SEMA5A: variants seen among roughly 807,000 people sequenced by gnomAD.
SEMA5A encodes the protein semaphorin 5A.
A neutral mutation model predicts 135.5 loss-of-function variants in SEMA5A; 55 were observed. The observed-to-expected ratio is 0.41, with a 90% CI of 0.33 to 0.51. The LOEUF is 0.51. Ranked by LOEUF, SEMA5A falls within the 20% of genes least tolerant of loss-of-function variation. SEMA5A has a pLI of 0.37. For missense variants in SEMA5A, 1,290 were observed against 1,419.9 expected (o/e 0.91, Z 1.47); for synonymous variants, 580 against 546.5 (o/e 1.06, Z -0.85).
chr5:9,506,441 T>G (rs1735883563), intron 1 of SEMA5A, among the ~76,000 whole-genome samples: 1 of 152,198 alleles, frequency 6.6e-6, no homozygotes, highest in South Asian at 2.1e-4. Flanking sequence ...CAAGTAACTA[T>G]CCAGACAGTC....
intron 1 of SEMA5A, among the ~76,000 whole-genome samples, chr5:9,443,893 G>A (rs1758330830): frequency 2.0e-5 from 3 of 152,222 alleles, no homozygotes; most frequent in African/African-American, 7.2e-5. Context: ...AGCTTGAGGT[G>A]ATGAAGAAAT....
At chr5:9,505,608 G>C (rs1735835520) in intron 1 of SEMA5A, among the ~76,000 whole-genome samples, 1 of 152,168 alleles carries the variant, frequency 6.6e-6, no homozygotes, top group African/African-American at 2.4e-5. Flanking sequence ...CTCTCTTCCA[G>C]AAAGGAGAGC....
At chr5:9,358,025 T>C (rs1754528389) in intron 3 of SEMA5A, among the ~76,000 whole-genome samples, 1 of 152,220 alleles carries the variant, frequency 6.6e-6, no homozygotes, top group South Asian at 2.1e-4. Context: ...CAGTGGATCA[T>C]CTGGAGTATC....
At chr5:9,231,576 C>G (rs181520900) in intron 6 of SEMA5A, among the ~76,000 whole-genome samples, 75 of 151,942 alleles carry the variant, frequency 4.9e-4, no homozygotes, top group Admixed American at 1.0e-3. Context: ...TCTTGCAGAT[C>G]CACTGGCAAC....
intron 4 of SEMA5A, among the ~76,000 whole-genome samples, chr5:9,327,297 T>C (rs1752922710): frequency 6.6e-6 from 1 of 152,170 alleles, no homozygotes; most frequent in African/African-American, 2.4e-5. Context: ...AAATAGTAAA[T>C]ATGTATTCTT....
intron 1 of SEMA5A, among the ~76,000 whole-genome samples, chr5:9,462,568 A>C (rs1759097021): frequency 1.3e-5 from 2 of 152,240 alleles, no homozygotes; most frequent in African/African-American, 4.8e-5. Flanking sequence ...AAGACATGGA[A>C]TCAACCTAAA....
In SEMA5A at chr5:9,379,820, T is replaced by C; in HGVS notation, c.124+3A>G. 1.2e-6 allele frequency: 2 copies of C among 1,613,548 alleles called. No individual in the cohort carries two copies. The highest frequency in any genetic ancestry group is 8.5e-7 in the Non-Finnish European group (1 of 1,179,824). ...TTGCAATCAGTGCGTGCTGGTTCCT[T>C]ACCTTTATAGGAGATGACTGGATGC... On this transcript the variant is annotated splice_donor_region_variant and intron_variant, in intron 3 of 22. Coordinates refer to ENST00000382496, the MANE Select transcript of SEMA5A (RefSeq NM_003966.3).
intron 1 of SEMA5A, among the ~76,000 whole-genome samples, chr5:9,443,407 T>C (rs1758312139): frequency 6.6e-6 from 1 of 152,090 alleles, no homozygotes; most frequent in Non-Finnish European, 1.5e-5. Context: ...TAGAAGCAGC[T>C]ACAGGGATAA....
chr5:9,532,849 C>T (rs1189165986), intron 1 of SEMA5A, among the ~76,000 whole-genome samples: 1 of 152,154 alleles, frequency 6.6e-6, no homozygotes, highest in Non-Finnish European at 1.5e-5. Flanking sequence ...AAAATCTCAG[C>T]TGTTCTCCTT....
At chr5:9,502,014 T>G (rs1402202054) in intron 1 of SEMA5A, among the ~76,000 whole-genome samples, 1 of 152,228 alleles carries the variant, frequency 6.6e-6, no homozygotes, top group South Asian at 2.1e-4. Flanking sequence ...GCCTAGAGAC[T>G]ATATTCAAAC....
chr5:9,125,232 T>A (rs1007404879), intron 13 of SEMA5A, among the ~76,000 whole-genome samples: 2 of 152,212 alleles, frequency 1.3e-5, no homozygotes, highest in African/African-American at 4.8e-5. Context: ...GTAAGGTGGA[T>A]GGGATTGGGA....
intron 3 of SEMA5A, among the ~76,000 whole-genome samples, chr5:9,353,127 G>GAAAGGAAAGGAAAGGAAAGGAAAGA: frequency 1.4e-5 from 1 of 72,500 alleles, no homozygotes; most frequent in Non-Finnish European, 2.7e-5. Flanking sequence ...GAAAGGAAAG[G>GAAAGGAAAGGAAAGGAAAGGAAAGA]AAAGGAAAGG....
intron 4 of SEMA5A, among the ~76,000 whole-genome samples, chr5:9,330,018 G>A (rs908454698): frequency 1.3e-5 from 2 of 152,044 alleles, no homozygotes; most frequent in African/African-American, 4.8e-5. Flanking sequence ...TTTTAGGCTT[G>A]TGGTTAAATC....
intron 17 of SEMA5A, 149 bp from the exon 18 acceptor site, chr5:9,063,254 A>C (rs1737283024): frequency 1.4e-6 from 1 of 728,384 alleles, no homozygotes; most frequent in Non-Finnish European, 2.3e-6. Context: ...TTCAGTAGCC[A>C]AAAATCAGTG....
intron 11 of SEMA5A, among the ~76,000 whole-genome samples, chr5:9,183,231 T>C (rs1429294968): frequency 1.3e-5 from 2 of 152,188 alleles, no homozygotes; most frequent in Non-Finnish European, 2.9e-5. Flanking sequence ...AAGAGACATC[T>C]GCTTGGCTAC....
intron 2 of SEMA5A, among the ~76,000 whole-genome samples, chr5:9,388,363 T>A (rs1433607181): frequency 1.3e-5 from 2 of 151,998 alleles, no homozygotes; most frequent in African/African-American, 2.4e-5. Flanking sequence ...AAATTATTAT[T>A]TACACAAAGG....
At chr5:9,403,539 CTTGTGGG>C (rs1210656426) in intron 2 of SEMA5A, among the ~76,000 whole-genome samples, 1 of 152,140 alleles carries the variant, frequency 6.6e-6, no homozygotes, top group Non-Finnish European at 1.5e-5. Context: ...TTGTACTTTC[CTTGTGGG>C]TTGCTATAAG....
chr5:9,110,647 T>C (rs1034377543), intron 15 of SEMA5A, among the ~76,000 whole-genome samples: 1 of 152,126 alleles, frequency 6.6e-6, no homozygotes, highest in Non-Finnish European at 1.5e-5. Flanking sequence ...CAGGGAGAGA[T>C]AGTTGATGTG....
chr5:9,429,298 G>T (rs1757776085), intron 2 of SEMA5A, among the ~76,000 whole-genome samples: 1 of 152,056 alleles, frequency 6.6e-6, no homozygotes, highest in Non-Finnish European at 1.5e-5. Context: ...TAGAAATAGG[G>T]TATTACTCAT....
Sources: allele counts gnomAD v4.1 joint callset (sites outside exome capture counted in the v4.1 genomes callset), GRCh38; gene constraint gnomAD v4.1.1; transcripts MANE v1.5; gene names NCBI Gene and HGNC (gene_info 2026-07-23, HGNC 2026-07-21).